The following RAI1 variants were observed in gnomAD, a reference collection of about 807,000 sequenced individuals.
RAI1 encodes the protein retinoic acid-induced protein 1.
RAI1 carries 9 observed loss-of-function variants against 123.8 expected under a neutral mutation model. The observed-to-expected ratio is 0.07, with a 90% CI of 0.04 to 0.13. The LOEUF is 0.13. Ranked by LOEUF, RAI1 falls within the 10% of genes least tolerant of loss-of-function variation. The probability of loss-of-function intolerance (pLI) is 1.00; values close to 1 mark genes in which losing one functional copy is unlikely to be tolerated. For synonymous variants in RAI1, 1,231 were observed against 1,127.3 expected, an observed-to-expected ratio of 1.09 and a Z score of -1.84; for missense variants, 2,256 against 2,545.8, an observed-to-expected ratio of 0.89 and a Z score of 2.45.
intron 1 of RAI1, among the ~76,000 whole-genome samples, chr17:17,686,608 T>TGTGTGTGTGC (rs1491248703): frequency 3.6e-5 from 5 of 137,764 alleles, no homozygotes; most frequent in Non-Finnish European, 6.2e-5. Context: ...TGTGTGTGTG[T>TGTGTGTGTGC]GCACGCGCGC....
intron 2 of RAI1, among the ~76,000 whole-genome samples, chr17:17,741,037 C>T (rs947989190): frequency 3.9e-5 from 6 of 151,946 alleles, no homozygotes; most frequent in Non-Finnish European, 7.4e-5. Flanking sequence ...CCCCGCCCGC[C>T]GTCAGAGCAT....
At chr17:17,792,010 A>G (rs1178491215) in intron 2 of RAI1, among the ~76,000 whole-genome samples, 3 of 152,122 alleles carry the variant, frequency 2.0e-5, no homozygotes, top group Admixed American at 6.5e-5. Flanking sequence ...GGAACTGGCC[A>G]GGAGGGGACA....
At chr17:17,802,016 C>G (rs950046961) in intron 3 of RAI1, 1 of 468,432 alleles carries the variant, frequency 2.1e-6, no homozygotes, top group African/African-American at 2.0e-5. Flanking sequence ...CTGCTGCCTT[C>G]TCTACCTCAC....
At chr17:17,700,414 C>T (rs1326391743) in intron 1 of RAI1, among the ~76,000 whole-genome samples, 1 of 151,748 alleles carries the variant, frequency 6.6e-6, no homozygotes, top group Non-Finnish European at 1.5e-5. Flanking sequence ...GGCCGCGCCC[C>T]GCCGCCCCTC....
At position 17,795,117 on chromosome 17, in the gene RAI1, A is replaced by G. The variant is rs1177459999; in HGVS notation, c.2169A>G (p.Thr723=). ...GGGTTCCTGCTCCAGACCCCACTAC[A>G]GCAGCTTTTGACTGTTTCCCGGACA... ...TLGVPAPDPT[T]AAFDCFPDTT... Residue 723 remains threonine, a synonymous_variant, in exon 3 of 6, where the codon ACA becomes ACG. Transcript: ENST00000353383. The surrounding 1 kb of genome is among the most constrained non-coding windows in gnomAD (Gnocchi z 5.9). The G allele has an allele frequency of 6.2e-7, 1 of 1,614,040 alleles. No homozygotes were observed. Among genetic ancestry groups the G allele is most frequent in the Admixed American group, 1.7e-5 (1 of 60,032 alleles).
At chr17:17,778,694 C>T in intron 2 of RAI1, 1 of 456,594 alleles carries the variant, frequency 2.2e-6, no homozygotes, top group Admixed American at 2.3e-5. Context: ...TCTGACCTCT[C>T]AAAAGCCTCC....
chr17:17,810,806 CCG>C lies in RAI1; in HGVS notation c.*826_*827del, dbSNP rs2032733405. The C allele has an allele frequency of 2.2e-6, 1 of 454,932 alleles. No homozygotes were observed. The highest frequency in any genetic ancestry group is 4.4e-6 in the Non-Finnish European group (1 of 225,670). 28.2% of individuals were successfully genotyped at this position (454,932 alleles called of 1,614,324 possible). On this transcript the variant is annotated 3_prime_UTR_variant, in exon 6 of 6. Coordinates refer to ENST00000353383, the MANE Select transcript of RAI1 (RefSeq NM_030665.4). The surrounding 1 kb of genome is among the most constrained non-coding windows in gnomAD (Gnocchi z 4.6). ...AAGCGGCCAGAACGCACCTCCGGCT[CCG>C]GCGGACGCGCGACCGTTGTGCACCA...
At chr17:17,684,246 C>G (rs748541011) in intron 1 of RAI1, 4 of 152,154 alleles carry the variant, frequency 2.6e-5, no homozygotes, top group Admixed American at 2.0e-4. Flanking sequence ...GTAAGAAATA[C>G]ATCGTAGGTA....
chr17:17,682,867 C>T (rs1465085149), intron 1 of RAI1, among the ~76,000 whole-genome samples: 1 of 151,952 alleles, frequency 6.6e-6, no homozygotes, highest in Non-Finnish European at 1.5e-5. Flanking sequence ...CGGCGGGCCT[C>T]GGGCTCTGAA....
chr17:17,688,774 A>G (rs1252382794), intron 1 of RAI1, among the ~76,000 whole-genome samples: 1 of 148,254 alleles, frequency 6.7e-6, no homozygotes, highest in Non-Finnish European at 1.5e-5. Flanking sequence ...TAATGTTTGT[A>G]TTTTTAGTAG....
At chr17:17,785,943 A>G (rs1210639399) in intron 2 of RAI1, among the ~76,000 whole-genome samples, 4 of 152,254 alleles carry the variant, frequency 2.6e-5, no homozygotes, top group Non-Finnish European at 4.4e-5. Context: ...ATTCTCAAGT[A>G]TGAAAGAAAA....
chr17:17,693,760 G>C (rs1470186356), intron 1 of RAI1, among the ~76,000 whole-genome samples: 1 of 152,222 alleles, frequency 6.6e-6, no homozygotes, highest in African/African-American at 2.4e-5. Flanking sequence ...CGGCTCAGAA[G>C]GGAAGCCAGG....
At chr17:17,734,939 A>G (rs745823425) in intron 2 of RAI1, among the ~76,000 whole-genome samples, 5 of 152,194 alleles carry the variant, frequency 3.3e-5, no homozygotes, top group African/African-American at 4.8e-5. Context: ...GGCAGGGAGG[A>G]GAGAATCTGT....
chr17:17,796,317 G>A lies in RAI1; in HGVS notation c.3369G>A (p.Pro1123=), dbSNP rs760979530. ...AALPVASDSS[P]MGSKTKETDS... Reference sequence around the variant, plus strand: ...TGCCTGTGGCCTCCGACAGCAGCCCGATGGGCTCCAAGACCAAGGAGACAG... The same window carrying A: ...TGCCTGTGGCCTCCGACAGCAGCCCAATGGGCTCCAAGACCAAGGAGACAG... The change falls in exon 3 of 6, where the codon CCG becomes CCA. Residue 1123 remains proline (P), a synonymous_variant. Coordinates refer to ENST00000353383, the MANE Select transcript of RAI1 (RefSeq NM_030665.4). This position sits in a 1 kb window ranked among gnomAD's most constrained non-coding sequence, Gnocchi z 5.8. 1.6e-5 allele frequency: 25 copies of A among 1,611,524 alleles called. No individual in the cohort carries two copies. Among genetic ancestry groups the A allele is most frequent in the Middle Eastern group, 1.6e-4 (1 of 6,082 alleles).
At position 17,796,478 on chromosome 17, in the gene RAI1, T is replaced by A. The variant is rs1429991249; in HGVS notation, c.3530T>A (p.Leu1177His). 1 of 1,610,760 alleles carries A rather than the reference T, an allele frequency of 6.2e-7. No individual in the cohort carries two copies. Among genetic ancestry groups the A allele is most frequent in the African/African-American group, 1.3e-5 (1 of 74,592 alleles). ...CCCAACTGCCGTGCCACCAAGAAGCTCCTCGACAACAGCCACTTGCCCGCC... is the reference window on the plus strand; with the variant it reads ...CCCAACTGCCGTGCCACCAAGAAGCACCTCGACAACAGCCACTTGCCCGCC... ...RLPNCRATKK[L>H]LDNSHLPATF... The change falls in exon 3 of 6, where the codon CTC (leucine) becomes CAC (histidine). Residue 1177 changes from leucine (L) to histidine (H), a missense_variant. Physicochemically the swap from Leu to His is moderately conservative, Grantham distance 99. This residue lies in a region of RAI1 where 322 missense variants were observed against 358.0 expected (regional missense o/e 0.90). Coordinates refer to ENST00000353383, the MANE Select transcript of RAI1 (RefSeq NM_030665.4). The surrounding 1 kb of genome is among the most constrained non-coding windows in gnomAD (Gnocchi z 5.8).
At chr17:17,754,442 G>T (rs970140785) in intron 2 of RAI1, among the ~76,000 whole-genome samples, 5 of 151,984 alleles carry the variant, frequency 3.3e-5, no homozygotes, top group Non-Finnish European at 7.4e-5. Context: ...CTCCATGTTG[G>T]TCAGGCTGGT....
intron 3 of RAI1, among the ~76,000 whole-genome samples, chr17:17,803,138 G>A (rs1249021238): frequency 2.9e-5 from 4 of 139,624 alleles, no homozygotes; most frequent in South Asian, 2.5e-4. Flanking sequence ...CACACACCAC[G>A]CCCAGCACAC....
At chr17:17,731,708 C>A (rs1248488032) in intron 2 of RAI1, among the ~76,000 whole-genome samples, 1 of 152,118 alleles carries the variant, frequency 6.6e-6, no homozygotes, top group East Asian at 1.9e-4. Flanking sequence ...CTCCCTCCTC[C>A]TGGAGCTGCT....
intron 2 of RAI1, 24 bp from the exon 3 acceptor site, chr17:17,792,909 C>A: frequency 3.6e-6 from 5 of 1,373,300 alleles, no homozygotes; most frequent in South Asian, 1.2e-5. Context: ...CCCTCCCTCC[C>A]TCCCTTCCTT....
Sources: gnomAD v4.1 joint callset for allele counts (sites outside exome capture counted in the v4.1 genomes callset) on GRCh38, gnomAD v4.1.1 for gene constraint, gnomAD v4.1.1 regional missense constraint, Gnocchi (gnomAD v3.1) non-coding constraint, MANE v1.5 for transcripts, NCBI Gene and HGNC (gene_info 2026-07-23, HGNC 2026-07-21) for gene names.